Variants in HPSE2 observed in about 807,000 individuals in gnomAD.
The protein encoded by HPSE2 is inactive heparanase-2.
A neutral mutation model predicts 60.5 loss-of-function variants in HPSE2; 38 were observed. The observed-to-expected ratio is 0.63, with a 90% CI of 0.48 to 0.82. The LOEUF (loss-of-function observed/expected upper bound fraction) is 0.82. HPSE2 is among the 40% of genes least tolerant of loss of function. HPSE2 has a pLI of 0.00. For missense variants in HPSE2, 713 were observed against 740.4 expected (o/e 0.96, Z 0.43); for synonymous variants, 295 against 293.2 (o/e 1.01, Z -0.06).
chr10:99,153,480 C>A (rs1351197712), intron 2 of HPSE2, among the ~76,000 whole-genome samples: 1 of 152,146 alleles, frequency 6.6e-6, no homozygotes, highest in Admixed American at 6.5e-5. Context: ...AGGCACCCCC[C>A]AGCAGGGACA....
At chr10:99,094,214 G>A (rs61508114) in intron 3 of HPSE2, among the ~76,000 whole-genome samples, 1 of 151,672 alleles carries the variant, frequency 6.6e-6, no homozygotes, top group Non-Finnish European at 1.5e-5. Flanking sequence ...ATTGGAGCAG[G>A]GTTTGTCGTC....
intron 4 of HPSE2, among the ~76,000 whole-genome samples, chr10:98,735,719 C>T (rs1949340890): frequency 6.6e-6 from 1 of 152,134 alleles, no homozygotes; most frequent in African/African-American, 2.4e-5. Context: ...GATTTGACTG[C>T]CCTGCTTGAT....
intron 9 of HPSE2, among the ~76,000 whole-genome samples, chr10:98,552,004 A>C (rs1332149487): frequency 6.6e-6 from 1 of 152,160 alleles, no homozygotes; most frequent in African/African-American, 2.4e-5. Flanking sequence ...CAAACACCTA[A>C]CTAGGGCAAA....
At chr10:98,984,675 CA>C (rs1165532605) in intron 3 of HPSE2, among the ~76,000 whole-genome samples, 2 of 152,142 alleles carry the variant, frequency 1.3e-5, no homozygotes, top group African/African-American at 4.8e-5. Context: ...AAGAAGGCTT[CA>C]GACGATCAAA....
intron 9 of HPSE2, among the ~76,000 whole-genome samples, chr10:98,594,353 T>A (rs1020697892): frequency 2.6e-5 from 4 of 152,120 alleles, no homozygotes; most frequent in African/African-American, 9.7e-5. Context: ...TCTGCTCCTA[T>A]GAATTCAACT....
At chr10:98,506,630 A>AT (rs1942210165) in intron 9 of HPSE2, among the ~76,000 whole-genome samples, 1 of 151,582 alleles carries the variant, frequency 6.6e-6, no homozygotes, top group Non-Finnish European at 1.5e-5. Context: ...CTAACTTTTA[A>AT]TTTTTTTTGT....
At chr10:98,767,601 C>G (rs1950149384) in intron 3 of HPSE2, among the ~76,000 whole-genome samples, 2 of 143,672 alleles carry the variant, frequency 1.4e-5, no homozygotes, top group African/African-American at 5.2e-5. Flanking sequence ...ATATACAATA[C>G]TATAACATGT....
At chr10:98,543,491 A>T (rs1015428210) in intron 9 of HPSE2, among the ~76,000 whole-genome samples, 6 of 152,210 alleles carry the variant, frequency 3.9e-5, no homozygotes, top group Non-Finnish European at 7.3e-5. Flanking sequence ...TTAACTTTAA[A>T]TGTAAATGGA....
intron 3 of HPSE2, among the ~76,000 whole-genome samples, chr10:98,939,264 G>T (rs1432010808): frequency 7.0e-6 from 1 of 143,786 alleles, no homozygotes; most frequent in African/African-American, 2.8e-5. Context: ...TGGATTAAAT[G>T]CTCCAATTAA....
chr10:98,726,474 A>G (rs4284337), intron 4 of HPSE2, among the ~76,000 whole-genome samples: 124,060 of 130,492 alleles, frequency 0.95, 59,223 homozygotes, highest in East Asian at 1. Flanking sequence ...ATCACACACC[A>G]GGGACTGTTG....
chr10:99,067,980 T>C (rs1842667957), intron 3 of HPSE2, among the ~76,000 whole-genome samples: 1 of 152,182 alleles, frequency 6.6e-6, no homozygotes, highest in Non-Finnish European at 1.5e-5. Context: ...AGTTCAAAGT[T>C]CCACAGATCT....
At chr10:98,584,480 A>G (rs1195142341) in intron 9 of HPSE2, among the ~76,000 whole-genome samples, 3 of 152,182 alleles carry the variant, frequency 2.0e-5, no homozygotes, top group Non-Finnish European at 4.4e-5. Flanking sequence ...GCTGCAAATA[A>G]TTTAATTGTG....
intron 3 of HPSE2, among the ~76,000 whole-genome samples, chr10:98,990,064 G>A (rs982337141): frequency 1.3e-5 from 2 of 152,214 alleles, no homozygotes; most frequent in Non-Finnish European, 2.9e-5. Context: ...GGCAGGCCAT[G>A]TGGAGATTAA....
chr10:99,130,226 T>C (rs1364402464), intron 3 of HPSE2, among the ~76,000 whole-genome samples: 7 of 152,180 alleles, frequency 4.6e-5, no homozygotes. Context: ...GCAATCCTAC[T>C]GACACTATTC....
the HPSE2 span, among the ~76,000 whole-genome samples, chr10:99,251,597 A>C: frequency 5.3e-5 from 2 of 37,762 alleles, no homozygotes; most frequent in Non-Finnish European, 1.0e-4. Flanking sequence ...ACAAAATACT[A>C]GCAAACCGAA....
chr10:98,723,706 T>C (rs1234493485), intron 4 of HPSE2, among the ~76,000 whole-genome samples: 1 of 152,226 alleles, frequency 6.6e-6, no homozygotes, highest in African/African-American at 2.4e-5. Context: ...AGTGTATGTG[T>C]CAAGGAATTT....
chr10:98,684,838 A>G (rs1947872523), intron 6 of HPSE2, among the ~76,000 whole-genome samples: 1 of 152,176 alleles, frequency 6.6e-6, no homozygotes, highest in African/African-American at 2.4e-5. Flanking sequence ...AGGAAGCTAC[A>G]GAAAAGTAAA....
In HPSE2 at chr10:98,941,265, T is replaced by C. The variant is rs1267726268; in HGVS notation, c.611-197209A>G. ...AGGCAGGAGAAGGAAATAAAGGGTA[T>C]TCAATTAGGAAAAGAGGAAGTCAAA... On this transcript the variant is annotated intron_variant, in intron 3 of 11. Transcript: ENST00000370552. Among the ~76,000 whole-genome samples the C allele has an allele frequency of 3.6e-4, 46 of 128,756 alleles. 6 individuals are homozygous for C. The highest frequency in any genetic ancestry group is 1.5e-3 in the African/African-American group (45 of 29,614). 84.5% of individuals were successfully genotyped at this position (128,756 alleles called of 152,430 possible). A position where few individuals can be genotyped will look rare whatever the true frequency, so the allele number is the denominator to read the frequency against.
chr10:98,797,332 A>G (rs1950800136), intron 3 of HPSE2, among the ~76,000 whole-genome samples: 1 of 152,236 alleles, frequency 6.6e-6, no homozygotes. Flanking sequence ...ATAGTTGAAA[A>G]AGGCAATTGA....
Sources: gnomAD v4.1 joint callset for allele counts (sites outside exome capture counted in the v4.1 genomes callset) on GRCh38, gnomAD v4.1.1 for gene constraint, MANE v1.5 for transcripts, NCBI Gene and HGNC (gene_info 2026-07-23, HGNC 2026-07-21) for gene names.